The following PRKCE variants were observed in gnomAD, a reference collection of about 807,000 sequenced individuals.
PRKCE encodes protein kinase C epsilon type.
PRKCE carries 16 observed loss-of-function variants against 85.4 expected under a neutral mutation model. The ratio of observed to expected loss-of-function variants is 0.19; its 90% CI spans 0.13 to 0.28. The LOEUF (loss-of-function observed/expected upper bound fraction) is 0.28. PRKCE is among the 10% of genes least tolerant of loss of function. The pLI, the probability that PRKCE is intolerant of heterozygous loss-of-function variation, is 1.00. For missense variants in PRKCE, 573 were observed against 975.2 expected, an observed-to-expected ratio of 0.59 and a Z score of 5.49; for synonymous variants, 388 against 371.5, an observed-to-expected ratio of 1.04 and a Z score of -0.51.
chr2:45,907,517 G>A lies in PRKCE; in HGVS notation c.412+64454G>A, dbSNP rs535592014. On this transcript the variant is annotated intron_variant, in intron 2 of 14. Coordinates refer to ENST00000306156, the MANE Select transcript of PRKCE (RefSeq NM_005400.3). This position sits in a 1 kb window ranked among gnomAD's most constrained non-coding sequence, Gnocchi z 4.5. ...GAAGCACACTTCTGAGGGCGTCATC[G>A]CAGGCCCTGTTCATCTCTCCGGGCA... Among the ~76,000 whole-genome samples, 14 of 152,332 alleles carry A rather than the reference G, an allele frequency of 9.2e-5. No homozygotes were observed. Among genetic ancestry groups the A allele is most frequent in the Admixed American group, 4.6e-4 (7 of 15,306 alleles).
At chr2:45,838,618 C>A (rs1573558049) in intron 1 of PRKCE, among the ~76,000 whole-genome samples, 2 of 151,994 alleles carry the variant, frequency 1.3e-5, no homozygotes, top group Non-Finnish European at 2.9e-5. Context: ...AATACTCTTA[C>A]CTTAGTTAAA....
At chr2:46,011,178 G>T (rs1052984136) in intron 10 of PRKCE, among the ~76,000 whole-genome samples, 1 of 152,122 alleles carries the variant, frequency 6.6e-6, no homozygotes, top group Non-Finnish European at 1.5e-5. Context: ...CCTTTTTGAG[G>T]GGTTGGGAGG....
At chr2:45,846,666 C>G (rs998064513) in intron 2 of PRKCE, among the ~76,000 whole-genome samples, 2 of 152,222 alleles carry the variant, frequency 1.3e-5, no homozygotes, top group African/African-American at 4.8e-5. Flanking sequence ...AGGGGTCAGT[C>G]TTCTCTGTGG....
At position 45,978,917 on chromosome 2, in the gene PRKCE, T is replaced by A. The variant is rs368759314; in HGVS notation, c.573-59T>A. ...GGCCCAAATTGGGTGGTTTTTCTGTTTGTTTTTTGACCTGGTAAGATTTCA... is the reference window on the plus strand; with the variant it reads ...GGCCCAAATTGGGTGGTTTTTCTGTATGTTTTTTGACCTGGTAAGATTTCA... On this transcript the variant is annotated intron_variant, in intron 3 of 14. Transcript: ENST00000306156. 5.8e-6 allele frequency: 9 copies of A among 1,546,176 alleles called. No homozygotes were observed. In the African/African-American group the frequency reaches 1.1e-4, roughly 19 times the overall value.
At chr2:46,183,933 G>A (rs1680242441) in intron 14 of PRKCE, among the ~76,000 whole-genome samples, 2 of 152,184 alleles carry the variant, frequency 1.3e-5, no homozygotes, top group Non-Finnish European at 1.5e-5. Context: ...TTTGTGGGTT[G>A]ATTGATTGCT....
intron 1 of PRKCE, among the ~76,000 whole-genome samples, chr2:45,819,123 T>G (rs905369475): frequency 2.0e-5 from 3 of 152,200 alleles, no homozygotes; most frequent in African/African-American, 7.2e-5. Flanking sequence ...CTGCTGCTGA[T>G]GCTGATGGTA....
chr2:45,693,160 G>A (rs1677875046), intron 1 of PRKCE, among the ~76,000 whole-genome samples: 1 of 152,106 alleles, frequency 6.6e-6, no homozygotes, highest in African/African-American at 2.4e-5. Context: ...GGGTGGGTGG[G>A]AGAAGGTCAG....
Position 45,652,360 on chromosome 2 carries a change from C to T in PRKCE, c.260C>T (p.Ala87Val), listed in dbSNP as rs1214975544. The T allele has an allele frequency of 6.2e-7, 1 of 1,613,576 alleles. No individual in the cohort carries two copies. The highest frequency in any genetic ancestry group is 1.7e-5 in the Admixed American group (1 of 60,024). Residue 87 changes from alanine (A) to valine (V), a missense_variant, in exon 1 of 15, where the codon GCC (alanine) becomes GTC (valine). Around this residue, in one of 11 missense-constraint regions of PRKCE, gnomAD observed 100 missense variants for 177.1 expected, o/e 0.56. Coordinates refer to ENST00000306156, the MANE Select transcript of PRKCE (RefSeq NM_005400.3). This position sits in a 1 kb window ranked among gnomAD's most constrained non-coding sequence, Gnocchi z 7.7. Reference protein sequence around the residue: ...RKIELAVFHDAPIGYDDFVAN... With the variant: ...RKIELAVFHDVPIGYDDFVAN... ...ATCGAGCTGGCTGTCTTTCACGATG[C>T]CCCCATAGGCTACGACGACTTCGTG... is the stretch of plus-strand genomic sequence containing the variant.
intron 1 of PRKCE, among the ~76,000 whole-genome samples, chr2:45,775,157 A>T (rs919616510): frequency 6.6e-6 from 1 of 152,154 alleles, no homozygotes; most frequent in Non-Finnish European, 1.5e-5. Flanking sequence ...CCCATTGTCC[A>T]TGTTTATATC....
intron 10 of PRKCE, among the ~76,000 whole-genome samples, chr2:46,029,519 C>T (rs752525660): frequency 2.0e-5 from 3 of 152,228 alleles, no homozygotes; most frequent in African/African-American, 7.2e-5. Context: ...CCCCCACTAA[C>T]GCCACCCTTT....
intron 10 of PRKCE, among the ~76,000 whole-genome samples, chr2:46,023,340 T>A (rs1706840541): frequency 6.6e-6 from 1 of 152,224 alleles, no homozygotes; most frequent in Non-Finnish European, 1.5e-5. Context: ...ACAACAGCGA[T>A]GGGCCAACCC....
At chr2:46,026,081 G>A (rs1707088185) in intron 10 of PRKCE, among the ~76,000 whole-genome samples, 1 of 152,192 alleles carries the variant, frequency 6.6e-6, no homozygotes, top group African/African-American at 2.4e-5. Flanking sequence ...TTAGCTCTTT[G>A]AGCTAATTGT....
At chr2:45,704,237 T>C (rs1678922077) in intron 1 of PRKCE, among the ~76,000 whole-genome samples, 1 of 152,246 alleles carries the variant, frequency 6.6e-6, no homozygotes, top group Admixed American at 6.5e-5. Context: ...CAAGGTAGTA[T>C]ATCTCAAGGA....
At chr2:45,771,165 C>A (rs1484655968) in intron 1 of PRKCE, among the ~76,000 whole-genome samples, 1 of 152,104 alleles carries the variant, frequency 6.6e-6, no homozygotes, top group Non-Finnish European at 1.5e-5. Context: ...GACCACTCCT[C>A]CCAGGCTGAG....
chr2:45,720,396 CA>C (rs1393745499), intron 1 of PRKCE, among the ~76,000 whole-genome samples: 1 of 152,076 alleles, frequency 6.6e-6, no homozygotes, highest in Non-Finnish European at 1.5e-5. Flanking sequence ...CAGTACCTCC[CA>C]GGGGTAGCTT....
At chr2:45,839,608 A>G (rs1346788625) in intron 1 of PRKCE, among the ~76,000 whole-genome samples, 1 of 152,214 alleles carries the variant, frequency 6.6e-6, no homozygotes, top group African/African-American at 2.4e-5. Flanking sequence ...ATGCAGACTG[A>G]CAGCTTGCAG....
intron 2 of PRKCE, among the ~76,000 whole-genome samples, chr2:45,891,885 T>G (rs974534030): frequency 1.3e-5 from 2 of 152,194 alleles, no homozygotes; most frequent in Non-Finnish European, 2.9e-5. Context: ...CAGAATCTCT[T>G]GTACAGACTT....
intron 10 of PRKCE, among the ~76,000 whole-genome samples, chr2:46,017,738 G>C (rs2104849968): frequency 6.6e-6 from 1 of 152,282 alleles, no homozygotes; most frequent in African/African-American, 2.4e-5. Context: ...TTTGATAGTA[G>C]CCATTCTGAT....
rs539581994 is a variant in PRKCE at position 46,187,155 on chromosome 2, T to C, written c.*2274T>C. Reference sequence around the variant, plus strand: ...CTGCTTTCTTCACCATAATAAACTTTGGACAACCAAGCAAGCTCTAACCGC... The same window carrying C: ...CTGCTTTCTTCACCATAATAAACTTCGGACAACCAAGCAAGCTCTAACCGC... On this transcript the variant is annotated 3_prime_UTR_variant, in exon 15 of 15. Transcript: ENST00000306156. 11 of 152,778 alleles carry C rather than the reference T, an allele frequency of 7.2e-5. No individual in the cohort carries two copies. Among genetic ancestry groups the C allele is most frequent in the Admixed American group, 1.3e-4 (2 of 15,308 alleles). 9.5% of individuals were successfully genotyped at this position (152,778 alleles called of 1,614,324 possible).
Sources: allele counts gnomAD v4.1 joint callset (sites outside exome capture counted in the v4.1 genomes callset), GRCh38; gene constraint gnomAD v4.1.1; regional missense constraint gnomAD v4.1.1; non-coding constraint Gnocchi (gnomAD v3.1); transcripts MANE v1.5; gene names NCBI Gene and HGNC (gene_info 2026-07-23, HGNC 2026-07-21).